The following ASRGL1 variants were observed in gnomAD, a reference collection of about 807,000 sequenced individuals.
The protein encoded by ASRGL1 is asparaginase and isoaspartyl peptidase 1.
ASRGL1 carries 16 observed loss-of-function variants against 22.4 expected under a neutral mutation model. That is an observed-to-expected ratio of 0.71 (90% CI 0.48 to 1.08). ASRGL1 has a LOEUF of 1.08. Among genes scored for constraint, ASRGL1 ranks in the 50% least tolerant of loss-of-function variants. The pLI is 0.00. For synonymous variants in ASRGL1, 165 were observed against 159.3 expected, an observed-to-expected ratio of 1.04 and a Z score of -0.27; for missense variants, 412 against 410.1, an observed-to-expected ratio of 1.00 and a Z score of -0.04.
At position 62,357,145 on chromosome 11, in the gene ASRGL1, G is replaced by A; in HGVS notation, c.491+1G>A. 1 of 1,612,600 alleles carries A rather than the reference G, an allele frequency of 6.2e-7. No individual in the cohort carries two copies. Among genetic ancestry groups the A allele is most frequent in the Non-Finnish European group, 8.5e-7 (1 of 1,179,438 alleles). Reference sequence around the variant, plus strand: ...GTGCTCAGAAAACAGATTGTCAAAAGTAAGTCTTACCTGTGGCTCGCATTA... The same window carrying A: ...GTGCTCAGAAAACAGATTGTCAAAAATAAGTCTTACCTGTGGCTCGCATTA... On this transcript the variant is annotated splice_donor_variant, in intron 4 of 6. Transcript: ENST00000415229. LOFTEE classifies it high-confidence loss of function.
chr11:62,355,161 G>A (rs1208932851), intron 2 of ASRGL1, among the ~76,000 whole-genome samples: 3 of 152,026 alleles, frequency 2.0e-5, no homozygotes, highest in South Asian at 2.1e-4. Flanking sequence ...CGAGTGATCC[G>A]CCTCGGCCTC....
chr11:62,396,369 G>A (rs894352644), downstream of ASRGL1, among the ~76,000 whole-genome samples: 2 of 152,062 alleles, frequency 1.3e-5, no homozygotes, highest in African/African-American at 4.8e-5. Context: ...CCCCCACAAA[G>A]AGCTGAGCCA....
chr11:62,399,349 C>T, the ASRGL1 span, among the ~76,000 whole-genome samples: 1 of 152,198 alleles, frequency 6.6e-6, no homozygotes, highest in African/African-American at 2.4e-5. Flanking sequence ...CCAGAGTTCT[C>T]ACTTGGACTC....
rs565883982 is a variant in ASRGL1, at chr11:62,367,579, G to T, written c.491+10435G>T. ...GAATCACTTGCACCCAGGAGGTGGA[G>T]GTTGCGGTGAGCTGAGATCACACCA... On this transcript the variant is annotated intron_variant, in intron 4 of 6. Coordinates refer to ENST00000415229, the MANE Select transcript of ASRGL1 (RefSeq NM_001083926.2). Among the ~76,000 whole-genome samples, 11 of 152,040 alleles carry T rather than the reference G, an allele frequency of 7.2e-5. No homozygotes were observed. In the South Asian group the frequency reaches 2.3e-3, roughly 32 times the overall value.
intron 4 of ASRGL1, chr11:62,383,297 C>T (rs1214833247): frequency 1.3e-5 from 2 of 152,178 alleles, no homozygotes; most frequent in African/African-American, 2.4e-5. Context: ...ATAGAAGTCA[C>T]GTTAAGTATA....
intron 4 of ASRGL1, among the ~76,000 whole-genome samples, chr11:62,381,211 T>C (rs896371404): frequency 2.0e-5 from 3 of 152,230 alleles, no homozygotes; most frequent in Non-Finnish European, 2.9e-5. Flanking sequence ...GAGGTTGTAA[T>C]GTTACAGGCA....
chr11:62,389,777 T>TG lies in ASRGL1; in HGVS notation c.610+532dup, dbSNP rs1947298656. 2.2e-5 allele frequency: 5 copies of TG among 232,384 alleles called. No homozygotes were observed. The South Asian group carries it at 2.4e-4, about 11-fold the overall frequency. 14.4% of individuals were successfully genotyped at this position (232,384 alleles called of 1,614,324 possible). ...CCCAGGAGTGGGTGAGAGGCAGGGC[T>TG]GGGGGGCTGTATGTTTCACTCCGTG... On this transcript the variant is annotated intron_variant, in intron 5 of 6. Transcript: ENST00000415229.
chr11:62,384,149 C>T (rs1249275692), intron 4 of ASRGL1, among the ~76,000 whole-genome samples: 1 of 151,760 alleles, frequency 6.6e-6, no homozygotes, highest in African/African-American at 2.4e-5. Flanking sequence ...TGTCAGCTTG[C>T]AGTGAGCCAA....
intron 2 of ASRGL1, among the ~76,000 whole-genome samples, chr11:62,348,952 C>A (rs186512449): frequency 1.8e-4 from 26 of 147,488 alleles, no homozygotes; most frequent in Non-Finnish European, 3.0e-4. Flanking sequence ...GCTTGATGAA[C>A]TTTTTTGGTT....
At chr11:62,365,578 G>A (rs978648542) in intron 4 of ASRGL1, among the ~76,000 whole-genome samples, 8 of 150,508 alleles carry the variant, frequency 5.3e-5, no homozygotes, top group East Asian at 4.0e-4. Flanking sequence ...GGCTGGGTGC[G>A]GTGGCTCACA....
At chr11:62,395,759 CTTTTTTTTTTTTT>C (rs564952668), downstream of ASRGL1, among the ~76,000 whole-genome samples, 278 of 71,950 alleles carry the variant, frequency 3.9e-3, 3 homozygotes, top group African/African-American at 0.011. Context: ...GTAGCTGTTT[CTTTTTTTTTTTTT>C]TTTTTTTTTT....
Position 62,356,450 on chromosome 11 carries a change from C to A in ASRGL1, c.316C>A (p.Arg106=). 6.2e-7 allele frequency: 1 copy of A among 1,614,056 alleles called. No homozygotes were observed. The highest frequency in any genetic ancestry group is 1.7e-5 in the Admixed American group (1 of 60,002). The change falls in exon 3 of 7, where the codon CGG becomes AGG. Residue 106 remains arginine, a synonymous_variant. Coordinates refer to ENST00000415229, the MANE Select transcript of ASRGL1 (RefSeq NM_001083926.2). ...QCIANPIKLA[R]LVMEKTPHCF... is the part of the protein sequence containing the mutation. ...TATAGCAAATCCCATTAAACTTGCT[C>A]GGCTTGTCATGGAAAAGGTATATGT...
chr11:62,372,081 C>T (rs1946787122), intron 4 of ASRGL1: 5 of 766,596 alleles, frequency 6.5e-6, no homozygotes, highest in Non-Finnish European at 1.2e-5. Context: ...GTCTCTGGCT[C>T]CTGTGCTGCA....
Position 62,356,331 on chromosome 11 carries a change from G to T in ASRGL1, c.197G>T (p.Gly66Val). The change falls in exon 3 of 7, where the codon GGG becomes GTG. Residue 66 changes from glycine (G) to valine (V), a missense_variant. Transcript: ENST00000415229. The stretch of plus-strand genomic sequence containing the variant: ...AACTTCTTTTTGGTTTTAGGTTGTG[G>T]GTCTGTCTTGAACACAAATGGTGAG... The part of the protein sequence containing the change: ...EDDPEFNAGC[G>V]SVLNTNGEVE... The T allele has an allele frequency of 6.2e-7, 1 of 1,614,100 alleles. No individual in the cohort carries two copies. The highest frequency in any genetic ancestry group is 2.2e-5 in the East Asian group (1 of 44,876).
At chr11:62,366,378 A>G (rs1946611066) in intron 4 of ASRGL1, among the ~76,000 whole-genome samples, 1 of 146,270 alleles carries the variant, frequency 6.8e-6, no homozygotes, top group African/African-American at 2.5e-5. Flanking sequence ...ACTTCCCAAT[A>G]TTAAATATAT....
chr11:62,387,488 A>G (rs987889587), intron 4 of ASRGL1, among the ~76,000 whole-genome samples: 3 of 152,070 alleles, frequency 2.0e-5, no homozygotes, highest in African/African-American at 7.2e-5. Context: ...TGTCCCTCTG[A>G]TCATTCTCCT....
At chr11:62,384,446 G>A (rs959398924) in intron 4 of ASRGL1, among the ~76,000 whole-genome samples, 2 of 152,108 alleles carry the variant, frequency 1.3e-5, no homozygotes, top group African/African-American at 4.8e-5. Context: ...AGAGGCTGCT[G>A]TGAGCTGAGA....
chr11:62,353,856 G>A (rs1472509112), intron 2 of ASRGL1, among the ~76,000 whole-genome samples: 4 of 152,164 alleles, frequency 2.6e-5, no homozygotes, highest in African/African-American at 7.2e-5. Context: ...AACCTGCGCT[G>A]ATCAGTGTAA....
intron 2 of ASRGL1, among the ~76,000 whole-genome samples, chr11:62,351,708 C>G (rs914397992): frequency 6.6e-6 from 1 of 151,886 alleles, no homozygotes; most frequent in African/African-American, 2.4e-5. Context: ...TAATTTTACT[C>G]TGACACCCAG....
Sources: allele counts gnomAD v4.1 joint callset (sites outside exome capture counted in the v4.1 genomes callset), GRCh38; gene constraint gnomAD v4.1.1; transcripts MANE v1.5; gene names NCBI Gene and HGNC (gene_info 2026-07-23, HGNC 2026-07-21).